The following ARID2 variants were observed in gnomAD, a reference collection of about 807,000 sequenced individuals.
The protein encoded by ARID2 is AT-rich interactive domain-containing protein 2.
A neutral mutation model predicts 184.6 loss-of-function variants in ARID2; 32 were observed. The ratio of observed to expected loss-of-function variants is 0.17; its 90% CI spans 0.13 to 0.23. ARID2 has a LOEUF of 0.23. Among genes scored for constraint, ARID2 ranks in the 10% least tolerant of loss-of-function variants. The pLI is 1.00. For synonymous variants in ARID2, 836 were observed against 772.6 expected, an observed-to-expected ratio of 1.08 and a Z score of -1.36; for missense variants, 1,696 against 2,197.6, an observed-to-expected ratio of 0.77 and a Z score of 4.56.
chr12:45,844,615 T>A lies in ARID2; in HGVS notation c.1499-2241T>A, dbSNP rs1943409730. On this transcript the variant is annotated intron_variant, in intron 11 of 20. Transcript: ENST00000334344. Reference sequence around the variant, plus strand: ...AATGTTTCTAATTCTCTCTTTAGTGTTCCACGTTACACTATAACAATAATA... The same window carrying A: ...AATGTTTCTAATTCTCTCTTTAGTGATCCACGTTACACTATAACAATAATA... Among the ~76,000 whole-genome samples the A allele has an allele frequency of 2.6e-5, 4 of 152,232 alleles. No homozygotes were observed. In the South Asian group the frequency reaches 8.3e-4, roughly 32 times the overall value.
In ARID2 at chr12:45,904,013, G is replaced by A. The variant is rs1944490364; in HGVS notation, c.5364-921G>A. Among the ~76,000 whole-genome samples the A allele has an allele frequency of 2.0e-5, 3 of 152,020 alleles. No individual in the cohort carries two copies. In the South Asian group the frequency reaches 6.2e-4, roughly 32 times the overall value. On this transcript the variant is annotated intron_variant, in intron 20 of 20. Coordinates refer to ENST00000334344, the MANE Select transcript of ARID2 (RefSeq NM_152641.4). ...ATTTATCCATCCCACAGTTCTGGGT[G>A]ATTTTTACCATTTTTCTCAGCCCCC...
intron 3 of ARID2, among the ~76,000 whole-genome samples, chr12:45,762,664 G>A (rs1164398523): frequency 6.6e-6 from 1 of 152,142 alleles, no homozygotes; most frequent in East Asian, 1.9e-4. Context: ...TATTACCTCA[G>A]CGTCATCTGT....
At chr12:45,768,777 A>C (rs1941817355) in intron 3 of ARID2, among the ~76,000 whole-genome samples, 1 of 152,172 alleles carries the variant, frequency 6.6e-6, no homozygotes, top group Admixed American at 6.5e-5. Context: ...TATTCCTTTA[A>C]AGGAACCCAG....
chr12:45,894,842 C>A (rs1385478492), intron 20 of ARID2, among the ~76,000 whole-genome samples: 1 of 152,068 alleles, frequency 6.6e-6, no homozygotes, highest in Non-Finnish European at 1.5e-5. Context: ...CCCTTCTAAC[C>A]TCTTTTTTGT....
In ARID2 at chr12:45,825,443, G is replaced by T. The variant is rs540848548; in HGVS notation, c.705+3956G>T. On this transcript the variant is annotated intron_variant, in intron 6 of 20. Transcript: ENST00000334344. ...TAAAAGGGAGTCATTTTAGGAAATG[G>T]TAACTGTTAAGTAGATTTTTCTAGT... is the stretch of plus-strand genomic sequence containing the variant. Among the ~76,000 whole-genome samples, 17 of 152,188 alleles carry T rather than the reference G, an allele frequency of 1.1e-4. 1 individual carries two copies. The South Asian group carries it at 3.3e-3, about 30-fold the overall frequency.
At chr12:45,903,251 G>A (rs1210928839) in intron 20 of ARID2, among the ~76,000 whole-genome samples, 3 of 152,120 alleles carry the variant, frequency 2.0e-5, no homozygotes, top group African/African-American at 7.2e-5. Context: ...ATGGGCAAAT[G>A]GGTTATTTCC....
Position 45,893,684 on chromosome 12 carries a change from T to C in ARID2, c.5326T>C (p.Leu1776=). The change falls in exon 20 of 21, where the codon TTA becomes CTA. Residue 1776 remains leucine, a synonymous_variant. Coordinates refer to ENST00000334344, the MANE Select transcript of ARID2 (RefSeq NM_152641.4). ...KHIRLTAALI[L]KNIGKYSECG... is the part of the protein sequence containing the mutation. ...CATCCGACTAACAGCTGCCTTAATA[T>C]TAAAAAATATTGGTAAATATTCAGA... The C allele has an allele frequency of 6.2e-7, 1 of 1,604,794 alleles. No individual in the cohort carries two copies. Among genetic ancestry groups the C allele is most frequent in the Non-Finnish European group, 8.5e-7 (1 of 1,177,536 alleles).
intron 16 of ARID2, among the ~76,000 whole-genome samples, chr12:45,872,419 T>C (rs1333263264): frequency 4.6e-5 from 7 of 152,220 alleles, no homozygotes; most frequent in Non-Finnish European, 8.8e-5. Context: ...GATTTCTCTA[T>C]TAATCTGTTC....
rs1355032986 is a variant in ARID2 at position 45,860,212 on chromosome 12, C to T, written c.4774-589C>T. The stretch of plus-strand genomic sequence containing the variant: ...ACCTGCCCAGGCAACAGAACAAGAC[C>T]GACCCTGTCTCTAAAAATAACAAAA... On this transcript the variant is annotated intron_variant, in intron 15 of 20. Transcript: ENST00000334344. Among the ~76,000 whole-genome samples the T allele has an allele frequency of 2.0e-5, 3 of 152,070 alleles. 1 individual carries two copies. Among genetic ancestry groups the T allele is most frequent in the African/African-American group, 2.4e-5 (1 of 41,404 alleles).
At chr12:45,904,613 C>A (rs1432103759) in intron 20 of ARID2, among the ~76,000 whole-genome samples, 1 of 150,162 alleles carries the variant, frequency 6.7e-6, no homozygotes, top group African/African-American at 2.5e-5. Context: ...ATCACTTGAA[C>A]CCGGGAGGTG....
intron 15 of ARID2, among the ~76,000 whole-genome samples, chr12:45,859,939 C>T (rs990421253): frequency 1.3e-5 from 2 of 152,190 alleles, no homozygotes; most frequent in Non-Finnish European, 2.9e-5. Context: ...GCCATGTTGG[C>T]CAGGTTGGTC....
At chr12:45,872,352 A>C (rs1163742579) in intron 16 of ARID2, among the ~76,000 whole-genome samples, 1 of 152,160 alleles carries the variant, frequency 6.6e-6, no homozygotes, top group Non-Finnish European at 1.5e-5. Flanking sequence ...ATATTGCAAA[A>C]ATGTGTTATT....
At chr12:45,839,542 A>G (rs1187508857) in intron 11 of ARID2, 46 bp downstream of exon 11, 3 of 1,561,360 alleles carry the variant, frequency 1.9e-6, no homozygotes, top group Non-Finnish European at 2.6e-6. Context: ...ACGAGTGTAT[A>G]AGATTTGATC....
At chr12:45,863,911 G>T (rs1384526632) in intron 16 of ARID2, among the ~76,000 whole-genome samples, 5 of 143,498 alleles carry the variant, frequency 3.5e-5, no homozygotes, top group Admixed American at 7.0e-5. Context: ...ATGCAGTGGT[G>T]CTATCTTGAT....
At chr12:45,757,557 A>T (rs1409238404) in intron 3 of ARID2, among the ~76,000 whole-genome samples, 2 of 152,242 alleles carry the variant, frequency 1.3e-5, no homozygotes, top group African/African-American at 2.4e-5. Context: ...TTCTGGGATG[A>T]TTGATCATGA....
chr12:45,806,886 A>G (rs1405338048), intron 3 of ARID2, among the ~76,000 whole-genome samples: 1 of 152,204 alleles, frequency 6.6e-6, no homozygotes, highest in Non-Finnish European at 1.5e-5. Flanking sequence ...TACAAGTTGA[A>G]GTTTATAAAG....
chr12:45,746,100 A>ATTTTTTTTTTT (rs34374158), intron 3 of ARID2, among the ~76,000 whole-genome samples: 1 of 140,230 alleles, frequency 7.1e-6, no homozygotes, highest in African/African-American at 2.6e-5. Context: ...TTCTGGTTTG[A>ATTTTTTTTTTT]TTTTTTTTTT....
intron 3 of ARID2, among the ~76,000 whole-genome samples, chr12:45,733,406 G>A (rs1402589941): frequency 1.3e-5 from 2 of 152,128 alleles, no homozygotes; most frequent in Admixed American, 1.3e-4. Flanking sequence ...CCATAAGATT[G>A]GCTCTTCATA....
intron 3 of ARID2, among the ~76,000 whole-genome samples, chr12:45,771,894 CT>C (rs1196661750): frequency 1.3e-5 from 2 of 151,916 alleles, no homozygotes; most frequent in Admixed American, 6.6e-5. Flanking sequence ...ATTCTCTCAG[CT>C]TTTAAAAAAG....
Sources: allele counts gnomAD v4.1 joint callset (sites outside exome capture counted in the v4.1 genomes callset), GRCh38; gene constraint gnomAD v4.1.1; transcripts MANE v1.5; gene names NCBI Gene and HGNC (gene_info 2026-07-23, HGNC 2026-07-21).